The following STK39 variants were observed in gnomAD, a reference collection of about 807,000 sequenced individuals.
The protein encoded by STK39 is STE20/SPS1-related proline-alanine-rich protein kinase.
A neutral mutation model predicts 77.8 loss-of-function variants in STK39; 20 were observed. The observed-to-expected ratio is 0.26, with a 90% CI of 0.18 to 0.37. The LOEUF is 0.37. STK39 is among the 10% of genes least tolerant of loss of function. The pLI is 1.00. For synonymous variants in STK39, 246 were observed against 234.1 expected (o/e 1.05, Z -0.47); for missense variants, 479 against 656.5 (o/e 0.73, Z 2.95).
At chr2:168,154,817 A>C (rs1271410482) in intron 5 of STK39, among the ~76,000 whole-genome samples, 1 of 152,214 alleles carries the variant, frequency 6.6e-6, no homozygotes, top group Admixed American at 6.5e-5. Flanking sequence ...CTAACCACTG[A>C]GGATACACTG....
At position 167,954,341 on chromosome 2, in the gene STK39, T is replaced by G. The variant is rs1261688612; in HGVS notation, c.*1155A>C. On this transcript the variant is annotated 3_prime_UTR_variant, in exon 18 of 18. Coordinates refer to ENST00000355999, the MANE Select transcript of STK39 (RefSeq NM_013233.3). Reference sequence around the variant, plus strand: ...GGTTTACTAGTTCCATAATATACAGTCAAGCAGAGGGCTACTTGGGTTGAA... The same window carrying G: ...GGTTTACTAGTTCCATAATATACAGGCAAGCAGAGGGCTACTTGGGTTGAA... 1.8e-4 allele frequency: 27 copies of G among 152,640 alleles called. No homozygotes were observed. The allele number at this position is 152,640 out of a possible 1,614,324, so 9.5% of individuals were successfully genotyped here. A position where few individuals can be genotyped will look rare whatever the true frequency, so the allele number is the denominator to read the frequency against.
chr2:168,019,774 G>A (rs1684525176), intron 14 of STK39, among the ~76,000 whole-genome samples: 2 of 152,094 alleles, frequency 1.3e-5, no homozygotes. Flanking sequence ...CAAGATCTTG[G>A]CTCACTGCAA....
At chr2:168,052,694 T>C (rs531250258) in intron 14 of STK39, among the ~76,000 whole-genome samples, 1 of 152,300 alleles carries the variant, frequency 6.6e-6, no homozygotes, top group Admixed American at 6.5e-5. Flanking sequence ...TGATCTCTCA[T>C]CTCCTCCAAC....
At chr2:168,068,893 G>A (rs558504935) in intron 12 of STK39, among the ~76,000 whole-genome samples, 198 of 152,242 alleles carry the variant, frequency 1.3e-3, no homozygotes, top group African/African-American at 4.6e-3. Flanking sequence ...CAGCTCACAG[G>A]CATTTGGAAA....
chr2:168,123,926 A>G (rs1466909188), intron 10 of STK39, among the ~76,000 whole-genome samples: 1 of 151,954 alleles, frequency 6.6e-6, no homozygotes, highest in East Asian at 1.9e-4. Context: ...CAACACTTGT[A>G]AGTATTAAAT....
chr2:168,074,965 A>G lies in STK39; in HGVS notation c.1242+17T>C. On this transcript the variant is annotated intron_variant, in intron 12 of 17. Coordinates refer to ENST00000355999, the MANE Select transcript of STK39 (RefSeq NM_013233.3). ...GGAATGAAATGGCAAAATAATAAAT[A>G]AATAGCCACAGCTCACCTCTGGATT... 1 of 1,612,056 alleles carries G rather than the reference A, an allele frequency of 6.2e-7. No individual in the cohort carries two copies. The highest frequency in any genetic ancestry group is 8.5e-7 in the Non-Finnish European group (1 of 1,179,770).
intron 12 of STK39, among the ~76,000 whole-genome samples, chr2:168,073,089 A>G (rs1685982150): frequency 6.6e-6 from 1 of 152,240 alleles, no homozygotes; most frequent in Non-Finnish European, 1.5e-5. Flanking sequence ...TGACTTTCAT[A>G]TCCCATTTAA....
At position 168,052,467 on chromosome 2, in the gene STK39, T is replaced by C. The variant is rs575504976; in HGVS notation, c.1376+11033A>G. Reference sequence around the variant, plus strand: ...TTATGTCAAAAGGATTAATTTGCCTTGGAAAAAAAGCAATCTAGCAAAGGA... The same window carrying C: ...TTATGTCAAAAGGATTAATTTGCCTCGGAAAAAAAGCAATCTAGCAAAGGA... On this transcript the variant is annotated intron_variant, in intron 14 of 17. Transcript: ENST00000355999. Among the ~76,000 whole-genome samples the C allele has an allele frequency of 5.3e-5, 8 of 152,302 alleles. No homozygotes were observed. In the South Asian group the frequency reaches 1.5e-3, roughly 28 times the overall value.
chr2:168,189,763 T>C (rs1051371942), intron 1 of STK39, among the ~76,000 whole-genome samples: 2 of 152,200 alleles, frequency 1.3e-5, no homozygotes, highest in Non-Finnish European at 2.9e-5. Flanking sequence ...AACAAAAACA[T>C]TTAACATTAG....
At chr2:168,072,905 T>C (rs938435234) in intron 12 of STK39, among the ~76,000 whole-genome samples, 7 of 152,188 alleles carry the variant, frequency 4.6e-5, no homozygotes, top group African/African-American at 1.4e-4. Flanking sequence ...AGCTGTGCAA[T>C]AGCAGGTGGG....
At chr2:168,117,995 A>C (rs1466214418) in intron 10 of STK39, among the ~76,000 whole-genome samples, 1 of 152,122 alleles carries the variant, frequency 6.6e-6, no homozygotes, top group African/African-American at 2.4e-5. Flanking sequence ...TTTTTCCGCA[A>C]CTCTAGCCAA....
intron 1 of STK39, among the ~76,000 whole-genome samples, chr2:168,196,392 G>C (rs1442319559): frequency 6.6e-6 from 1 of 152,210 alleles, no homozygotes; most frequent in African/African-American, 2.4e-5. Flanking sequence ...GCTGGGTGTG[G>C]TGGCTCACGC....
chr2:168,231,367 A>G (rs1280973009), intron 1 of STK39, among the ~76,000 whole-genome samples: 1 of 152,078 alleles, frequency 6.6e-6, no homozygotes, highest in Non-Finnish European at 1.5e-5. Flanking sequence ...TTGTTAACAT[A>G]ATAACAACAG....
intron 12 of STK39, among the ~76,000 whole-genome samples, chr2:168,072,420 T>C (rs1303434143): frequency 1.3e-5 from 2 of 152,194 alleles, no homozygotes; most frequent in African/African-American, 4.8e-5. Flanking sequence ...GACCAACTCA[T>C]CTAAAATTAC....
intron 10 of STK39, among the ~76,000 whole-genome samples, chr2:168,122,460 G>A (rs757372551): frequency 3.9e-5 from 6 of 152,056 alleles, no homozygotes; most frequent in Admixed American, 6.6e-5. Context: ...TTTTGTTTGA[G>A]ATAGGGTCTT....
chr2:168,171,862 TC>T (rs200147918), intron 2 of STK39, among the ~76,000 whole-genome samples: 3 of 69,464 alleles, frequency 4.3e-5, no homozygotes, highest in Non-Finnish European at 9.3e-5. Context: ...CACTCCCCCC[TC>T]CCCCCCACAC....
chr2:168,008,440 G>A (rs1368513054), intron 16 of STK39, among the ~76,000 whole-genome samples: 1 of 152,172 alleles, frequency 6.6e-6, no homozygotes, highest in Non-Finnish European at 1.5e-5. Context: ...AAGAGTCTAA[G>A]ATTCCTGGAG....
Position 168,036,191 on chromosome 2 carries a change from C to A in STK39, c.1377-19096G>T, listed in dbSNP as rs539955853. ...GCCCAAATCAGCGTGGGCGCCAATACCAAAACCACAGTACTGTGAGTCCAT... is the reference window on the plus strand; with the variant it reads ...GCCCAAATCAGCGTGGGCGCCAATAACAAAACCACAGTACTGTGAGTCCAT... On this transcript the variant is annotated intron_variant, in intron 14 of 17. Transcript: ENST00000355999. 9.2e-5 allele frequency among the ~76,000 whole-genome samples: 14 copies of A among 151,964 alleles called. No homozygotes were observed. The South Asian group carries it at 1.0e-3, about 11-fold the overall frequency.
chr2:168,193,552 T>G (rs1014303145), intron 1 of STK39, among the ~76,000 whole-genome samples: 4 of 152,170 alleles, frequency 2.6e-5, no homozygotes, highest in Non-Finnish European at 5.9e-5. Flanking sequence ...AGCAGCATGC[T>G]GCAGTCTCTG....
Sources: gnomAD v4.1 joint callset for allele counts (sites outside exome capture counted in the v4.1 genomes callset) on GRCh38, gnomAD v4.1.1 for gene constraint, MANE v1.5 for transcripts, NCBI Gene and HGNC (gene_info 2026-07-23, HGNC 2026-07-21) for gene names.